ZBTB16: variants seen among roughly 807,000 people sequenced by gnomAD.
ZBTB16 encodes the protein zinc finger and BTB domain containing 16.
A neutral mutation model predicts 56.8 loss-of-function variants in ZBTB16; 8 were observed. The ratio of observed to expected loss-of-function variants is 0.14; its 90% CI spans 0.08 to 0.25. The LOEUF is 0.25. Ranked by LOEUF, ZBTB16 falls within the 10% of genes least tolerant of loss-of-function variation. The pLI, the probability that ZBTB16 is intolerant of heterozygous loss-of-function variation, is 1.00. For synonymous variants in ZBTB16, 363 were observed against 368.5 expected (o/e 0.98, Z 0.17); for missense variants, 625 against 903.0 (o/e 0.69, Z 3.95).
At position 114,139,031 on chromosome 11, in the gene ZBTB16, G is replaced by A. The variant is rs148648315; in HGVS notation, c.1269-17306G>A. 3.8e-4 allele frequency among the ~76,000 whole-genome samples: 58 copies of A among 152,118 alleles called. No individual in the cohort carries two copies. The East Asian group carries it at 7.3e-3, about 19-fold the overall frequency. On this transcript the variant is annotated intron_variant, in intron 2 of 6. Coordinates refer to ENST00000335953, the MANE Select transcript of ZBTB16 (RefSeq NM_006006.6). ...ACAAGGCTCCTTACTCATTTCCTGC[G>A]TCTCACCTGCTCTCTCAGCCCAGTT... is the stretch of plus-strand genomic sequence containing the variant.
intron 4 of ZBTB16, among the ~76,000 whole-genome samples, chr11:114,219,514 A>G (rs1944180552): frequency 6.6e-6 from 1 of 152,110 alleles, no homozygotes. Flanking sequence ...TATTCCAATC[A>G]GAAGATTTAG....
chr11:114,157,111 C>T (rs143623484), intron 3 of ZBTB16, among the ~76,000 whole-genome samples: 75 of 152,268 alleles, frequency 4.9e-4, no homozygotes, highest in African/African-American at 1.6e-3. Context: ...CCTTTAATTC[C>T]CTTGCCTTCC....
At chr11:114,174,520 A>G (rs1317589384) in intron 3 of ZBTB16, among the ~76,000 whole-genome samples, 1 of 152,146 alleles carries the variant, frequency 6.6e-6, no homozygotes, top group Non-Finnish European at 1.5e-5. Flanking sequence ...ATCTCTGCTA[A>G]AAATACAACA....
chr11:114,156,247 A>G, intron 2 of ZBTB16, 90 bp from the exon 3 acceptor site: 3 of 1,310,150 alleles, frequency 2.3e-6, no homozygotes, highest in Non-Finnish European at 3.3e-6. Flanking sequence ...CACCTGCCAG[A>G]GGGATGGCTG....
At chr11:114,209,792 G>A (rs1265092359) in intron 4 of ZBTB16, 2 of 985,320 alleles carry the variant, frequency 2.0e-6, no homozygotes, top group Non-Finnish European at 2.4e-6. Context: ...ATAAGCTTTA[G>A]GAAAATGGGT....
intron 2 of ZBTB16, among the ~76,000 whole-genome samples, chr11:114,127,957 C>A (rs964629652): frequency 7.2e-5 from 11 of 152,122 alleles, no homozygotes; most frequent in African/African-American, 2.7e-4. Flanking sequence ...AGAGTCTTGG[C>A]ACTGAGAGGA....
rs762709048 is a variant in ZBTB16 at position 114,250,567 on chromosome 11, C to T, written c.*12C>T. The T allele has an allele frequency of 2.9e-5, 46 of 1,613,198 alleles. No homozygotes were observed. Among genetic ancestry groups the T allele is most frequent in the African/African-American group, 1.5e-4 (11 of 74,768 alleles). ...TGTGCTATGTGTGAAGGGAGGCCCG[C>T]GGCGGTGGAGCCGAGCGGGGAGCCA... On this transcript the variant is annotated 3_prime_UTR_variant, in exon 7 of 7. Coordinates refer to ENST00000335953, the MANE Select transcript of ZBTB16 (RefSeq NM_006006.6). The surrounding 1 kb of genome is among the most constrained non-coding windows in gnomAD (Gnocchi z 6.0).
At chr11:114,089,098 C>T (rs760414663) in intron 2 of ZBTB16, among the ~76,000 whole-genome samples, 1 of 152,220 alleles carries the variant, frequency 6.6e-6, no homozygotes, top group Non-Finnish European at 1.5e-5. Context: ...ATCCCAGTAA[C>T]AAGCAGTCCT....
At position 114,255,419 on chromosome 11, in the gene ZBTB16, C is replaced by T. The variant is rs1233812191; in HGVS notation, c.*4864C>T. ...TTTTTGTACAAATCAATCTCTTTCT[C>T]TCTTTCTCTCCTCCCCACCTCTCAC... On this transcript the variant is annotated 3_prime_UTR_variant, in exon 7 of 7. Transcript: ENST00000335953. Among the ~76,000 whole-genome samples, 9 of 150,692 alleles carry T rather than the reference C, an allele frequency of 6.0e-5. No individual in the cohort carries two copies. The East Asian group carries it at 1.2e-3, about 20-fold the overall frequency.
intron 4 of ZBTB16, among the ~76,000 whole-genome samples, chr11:114,216,592 A>G (rs1240933667): frequency 6.6e-6 from 1 of 152,196 alleles, no homozygotes; most frequent in Admixed American, 6.5e-5. Context: ...AGACAGTGCT[A>G]TCAGCCTAAA....
intron 2 of ZBTB16, among the ~76,000 whole-genome samples, chr11:114,132,128 A>G (rs1263016710): frequency 1.3e-5 from 2 of 152,156 alleles, no homozygotes; most frequent in Non-Finnish European, 2.9e-5. Context: ...ACTGTCACAC[A>G]TCATTTTGTT....
rs1938768843 is a variant in ZBTB16 at position 114,060,228 on chromosome 11, GC to G, written c.-91+347del. Reference sequence around the variant, plus strand: ...ATCCGGAGGCTTTGTACCGCCAGGGGCTGGCGGAGCAACAGAGCCCGTGGGT... The same window carrying G: ...ATCCGGAGGCTTTGTACCGCCAGGGGTGGCGGAGCAACAGAGCCCGTGGGT... On this transcript the variant is annotated intron_variant, in intron 1 of 6. Transcript: ENST00000335953. The surrounding 1 kb of genome is among the most constrained non-coding windows in gnomAD (Gnocchi z 6.0). 6.3e-6 allele frequency: 1 copy of G among 159,714 alleles called. No individual in the cohort carries two copies. The highest frequency in any genetic ancestry group is 6.5e-5 in the Admixed American group (1 of 15,492). The allele number at this position is 159,714 out of a possible 1,614,324, so 9.9% of individuals were successfully genotyped here. A position where few individuals can be genotyped will look rare whatever the true frequency, so the allele number is the denominator to read the frequency against.
intron 3 of ZBTB16, among the ~76,000 whole-genome samples, chr11:114,175,978 G>T (rs909811590): frequency 1.4e-5 from 2 of 148,146 alleles, no homozygotes; most frequent in South Asian, 2.2e-4. Flanking sequence ...AGGGGAGAGG[G>T]GTGTGTGTGT....
chr11:114,210,925 T>G (rs919301603), intron 4 of ZBTB16: 1 of 189,720 alleles, frequency 5.3e-6, no homozygotes, highest in Non-Finnish European at 1.1e-5. Context: ...ATTTTTTTTT[T>G]GTTTTGTTTT....
chr11:114,160,146 T>G (rs919985772), intron 3 of ZBTB16, among the ~76,000 whole-genome samples: 1 of 152,116 alleles, frequency 6.6e-6, no homozygotes, highest in African/African-American at 2.4e-5. Context: ...GAGCATTGCC[T>G]GTGTTTGTTA....
chr11:114,111,153 C>T (rs1320262240), intron 2 of ZBTB16, among the ~76,000 whole-genome samples: 2 of 95,038 alleles, frequency 2.1e-5, no homozygotes, highest in Non-Finnish European at 3.9e-5. Context: ...GAGATCTGTG[C>T]TGCGTGTGTG....
At chr11:114,151,439 G>A (rs79416911) in intron 2 of ZBTB16, among the ~76,000 whole-genome samples, 2,137 of 152,228 alleles carry the variant, frequency 0.014, 38 homozygotes, top group African/African-American at 0.042. Flanking sequence ...ATTCAAAGGC[G>A]GGAGAGAGCA....
chr11:114,156,251 A>G, intron 2 of ZBTB16, 86 bp from the exon 3 acceptor site: 2 of 1,365,522 alleles, frequency 1.5e-6, no homozygotes, highest in Non-Finnish European at 2.1e-6. Flanking sequence ...TGCCAGAGGG[A>G]TGGCTGCCAA....
At chr11:114,166,693 T>C (rs1191832732) in intron 3 of ZBTB16, among the ~76,000 whole-genome samples, 1 of 152,202 alleles carries the variant, frequency 6.6e-6, no homozygotes, top group Non-Finnish European at 1.5e-5. Flanking sequence ...TGTTTGTTAT[T>C]AATTCTCAGA....
Sources: gnomAD v4.1 joint callset for allele counts (sites outside exome capture counted in the v4.1 genomes callset) on GRCh38, gnomAD v4.1.1 for gene constraint, Gnocchi (gnomAD v3.1) non-coding constraint, MANE v1.5 for transcripts, NCBI Gene and HGNC (gene_info 2026-07-23, HGNC 2026-07-21) for gene names.